The following CCDC13 variants were observed in gnomAD, a reference collection of about 807,000 sequenced individuals.
The protein encoded by CCDC13 is coiled-coil domain containing 13, also known as coiled-coil domain-containing protein 13.
Under a neutral mutation model 87.3 loss-of-function variants are expected in CCDC13, and 70 were observed. That is an observed-to-expected ratio of 0.80 (90% CI 0.66 to 0.98). The LOEUF is 0.98. CCDC13 is among the 50% of genes least tolerant of loss of function. The pLI, the probability that CCDC13 is intolerant of heterozygous loss-of-function variation, is 0.00. For synonymous variants in CCDC13, 317 were observed against 360.3 expected (o/e 0.88, Z 1.36); for missense variants, 842 against 892.0 (o/e 0.94, Z 0.71).
chr3:42,708,936 AC>A lies in CCDC13; in HGVS notation c.*43del, dbSNP rs1698236479. 6.3e-7 allele frequency: 1 copy of A among 1,576,542 alleles called. No individual in the cohort carries two copies. The highest frequency in any genetic ancestry group is 8.6e-7 in the Non-Finnish European group (1 of 1,162,996). ...TCAGACAGAGTCTTATCCTCTCAAG[AC>A]CTGAGGCTGCCCACCCGGCCAGGCC... On this transcript the variant is annotated 3_prime_UTR_variant, in exon 16 of 16. Coordinates refer to ENST00000310232, the MANE Select transcript of CCDC13 (RefSeq NM_144719.4).
At chr3:42,712,551 C>T (rs1470989586) in intron 14 of CCDC13, among the ~76,000 whole-genome samples, 1 of 152,196 alleles carries the variant, frequency 6.6e-6, no homozygotes, top group African/African-American at 2.4e-5. Flanking sequence ...GGGATGAGAG[C>T]AGAAGTGACA....
chr3:42,746,629 C>T (rs1347303265), intron 6 of CCDC13: 1 of 164,818 alleles, frequency 6.1e-6, no homozygotes, highest in Admixed American at 5.6e-5. Context: ...AAACCCGATC[C>T]AGCGTACCAA....
chr3:42,751,190 G>A (rs151255838), intron 5 of CCDC13, among the ~76,000 whole-genome samples: 92 of 152,282 alleles, frequency 6.0e-4, no homozygotes, highest in East Asian at 2.5e-3. Context: ...TGGGAGTCCC[G>A]GGGCTTGGCT....
intron 10 of CCDC13, among the ~76,000 whole-genome samples, chr3:42,734,324 G>A (rs1333892298): frequency 2.0e-5 from 3 of 152,192 alleles, no homozygotes; most frequent in Non-Finnish European, 2.9e-5. Flanking sequence ...TGGTGACCTC[G>A]GAGGTAGGAA....
intron 12 of CCDC13, among the ~76,000 whole-genome samples, chr3:42,732,160 C>A (rs1698852831): frequency 6.6e-6 from 1 of 152,234 alleles, no homozygotes; most frequent in African/African-American, 2.4e-5. Flanking sequence ...GCCTTTATGA[C>A]CCCAGCCTGA....
intron 1 of CCDC13, among the ~76,000 whole-genome samples, chr3:42,763,998 GT>G (rs898282816): frequency 2.6e-5 from 4 of 152,198 alleles, no homozygotes; most frequent in Non-Finnish European, 5.9e-5. Flanking sequence ...CAACTCCAAG[GT>G]TGGGAGGGGG....
chr3:42,762,486 A>T (rs1449942932), intron 1 of CCDC13, among the ~76,000 whole-genome samples: 1 of 152,176 alleles, frequency 6.6e-6, no homozygotes, highest in East Asian at 1.9e-4. Context: ...AGGGGGCTGG[A>T]GATCGAGTGA....
rs201451798 is a variant in CCDC13, at chr3:42,733,498, C to G, written c.1483G>C (p.Asp495His). The G allele has an allele frequency of 2.5e-6, 4 of 1,614,148 alleles. No individual in the cohort carries two copies. The highest frequency in any genetic ancestry group is 2.2e-5 in the South Asian group (2 of 91,056). The change falls in exon 11 of 16, where the codon GAT becomes CAT. Residue 495 changes from aspartate (D) to histidine (H), a missense_variant. Asp to His is a moderately conservative substitution (Grantham distance 81). Transcript: ENST00000310232. ...GAAGATCCAAGCCTGCCAACATGAT[C>G]GCCTGCTGAGGCCGGGGACTTGGTC... ...GLTKSPASAGDHVGRLGSSRS... is the reference protein window; with the variant it reads ...GLTKSPASAGHHVGRLGSSRS...
Position 42,747,304 on chromosome 3 carries a change from G to A in CCDC13, c.673C>T (p.Arg225Ter), listed in dbSNP as rs186928386. The A allele has an allele frequency of 2.7e-5, 43 of 1,614,112 alleles. No homozygotes were observed. In the East Asian group the frequency reaches 3.1e-4, roughly 12 times the overall value. The change falls in exon 6 of 16, where the codon CGA becomes TGA. Residue 225 changes from arginine (R) to a stop codon, truncating the protein, a stop_gained. Transcript: ENST00000310232. LOFTEE classifies it high-confidence loss of function. ...VATNLKMSDL[R>*]NQIQSVKQEL... ...TGCTTCACAGACTGGATCTGGTTTC[G>A]GAGGTCACTCATCTTCAAGTTGGTG...
chr3:42,771,996 G>A (rs1398595299), intron 1 of CCDC13, among the ~76,000 whole-genome samples: 1 of 152,102 alleles, frequency 6.6e-6, no homozygotes, highest in East Asian at 1.9e-4. Flanking sequence ...GCTAAGCCGG[G>A]CGTGGTGGCT....
intron 1 of CCDC13, among the ~76,000 whole-genome samples, chr3:42,772,360 G>A (rs1459428965): frequency 6.6e-6 from 1 of 151,660 alleles, no homozygotes; most frequent in African/African-American, 2.4e-5. Context: ...GTAGGACTTA[G>A]AGCCAGGGAG....
chr3:42,771,527 G>C (rs1165472235), intron 1 of CCDC13, among the ~76,000 whole-genome samples: 2 of 152,172 alleles, frequency 1.3e-5, no homozygotes, highest in African/African-American at 2.4e-5. Context: ...AGCCAAGGTG[G>C]GAGGACCACT....
intron 1 of CCDC13, among the ~76,000 whole-genome samples, chr3:42,767,544 A>T (rs370323245): frequency 2.6e-5 from 4 of 152,244 alleles, no homozygotes; most frequent in African/African-American, 9.6e-5. Flanking sequence ...AATTGCAATA[A>T]AGAAATCCCA....
At chr3:42,751,896 G>C (rs1049528400) in intron 5 of CCDC13, 40 bp downstream of exon 5, 36 of 1,575,366 alleles carry the variant, frequency 2.3e-5, no homozygotes, top group Non-Finnish European at 3.0e-5. Context: ...CAGGCCCATG[G>C]CTGCCTCACA....
chr3:42,733,274 T>C (rs570256812), intron 11 of CCDC13, among the ~76,000 whole-genome samples, 196 bp downstream of exon 11: 1 of 152,350 alleles, frequency 6.6e-6, no homozygotes, highest in Admixed American at 6.5e-5. Flanking sequence ...CTTGAAGTGA[T>C]AAAATCTGGG....
chr3:42,769,360 G>A (rs963374661), intron 1 of CCDC13, among the ~76,000 whole-genome samples: 1 of 152,186 alleles, frequency 6.6e-6, no homozygotes, highest in Non-Finnish European at 1.5e-5. Context: ...GAAGCAACAA[G>A]AATTTCTATT....
At chr3:42,714,697 G>A (rs113465698) in intron 13 of CCDC13, among the ~76,000 whole-genome samples, 3,088 of 152,364 alleles carry the variant, frequency 0.02, 95 homozygotes, top group African/African-American at 0.07. Flanking sequence ...GTTGGAGGAA[G>A]TGATCTTTCC....
intron 13 of CCDC13, among the ~76,000 whole-genome samples, chr3:42,715,019 C>T (rs1698395807): frequency 6.6e-6 from 1 of 151,958 alleles, no homozygotes; most frequent in African/African-American, 2.4e-5. Flanking sequence ...GGGCTGGGCC[C>T]GGGGTCCCAC....
At chr3:42,735,947 G>T in intron 9 of CCDC13, 34 bp from the exon 10 acceptor site, 4 of 1,591,996 alleles carry the variant, frequency 2.5e-6, no homozygotes, top group Non-Finnish European at 2.6e-6. Flanking sequence ...GGTGGAGTCA[G>T]TCATGGCCCT....
Sources: allele counts gnomAD v4.1 joint callset (sites outside exome capture counted in the v4.1 genomes callset), GRCh38; gene constraint gnomAD v4.1.1; transcripts MANE v1.5; gene names NCBI Gene and HGNC (gene_info 2026-07-23, HGNC 2026-07-21).